The following CCDC88A variants were observed in gnomAD, a reference collection of about 807,000 sequenced individuals.
The protein encoded by CCDC88A is girdin.
In CCDC88A, 54 loss-of-function variants were observed where a neutral mutation model predicts 234.3. The observed-to-expected ratio is 0.23, with a 90% CI of 0.19 to 0.29. The LOEUF is 0.29. Ranked by LOEUF, CCDC88A falls within the 10% of genes least tolerant of loss-of-function variation. The pLI, the probability that CCDC88A is intolerant of heterozygous loss-of-function variation, is 1.00. For synonymous variants in CCDC88A, 753 were observed against 737.8 expected (o/e 1.02, Z -0.33); for missense variants, 1,832 against 2,123.4 (o/e 0.86, Z 2.70).
chr2:55,327,893 C>T (rs1330273508), intron 17 of CCDC88A, among the ~76,000 whole-genome samples: 1 of 152,210 alleles, frequency 6.6e-6, no homozygotes, highest in East Asian at 1.9e-4. Flanking sequence ...ATATAACACA[C>T]ATATGATTTT....
intron 8 of CCDC88A, among the ~76,000 whole-genome samples, chr2:55,351,141 T>C (rs1399148578): frequency 1.3e-5 from 2 of 152,280 alleles, no homozygotes; most frequent in East Asian, 3.9e-4. Context: ...GATGTCACTA[T>C]GTTGCCCAGC....
chr2:55,325,756 G>T (rs1190810957), intron 17 of CCDC88A, among the ~76,000 whole-genome samples: 1 of 152,132 alleles, frequency 6.6e-6, no homozygotes, highest in Non-Finnish European at 1.5e-5. Context: ...TAGTTCTACA[G>T]ATATTTGCTT....
intron 12 of CCDC88A, among the ~76,000 whole-genome samples, chr2:55,342,353 C>T (rs1001084866): frequency 6.6e-6 from 1 of 152,068 alleles, no homozygotes; most frequent in African/African-American, 2.4e-5. Context: ...AGATCAATTA[C>T]AAAACAACAG....
At chr2:55,415,800 TCA>T (rs1216977273) in intron 2 of CCDC88A, among the ~76,000 whole-genome samples, 1 of 152,138 alleles carries the variant, frequency 6.6e-6, no homozygotes, top group Non-Finnish European at 1.5e-5. Context: ...GCTGGAGTAT[TCA>T]GAGGGGTTTT....
chr2:55,360,509 T>C (rs1291717269), intron 7 of CCDC88A, among the ~76,000 whole-genome samples: 1 of 151,398 alleles, frequency 6.6e-6, no homozygotes, highest in Non-Finnish European at 1.5e-5. Flanking sequence ...AGCTAGCAAG[T>C]TGTTTCCCAA....
intron 11 of CCDC88A, 49 bp from the exon 12 acceptor site, chr2:55,343,841 C>CA (rs1464037023): frequency 2.9e-6 from 4 of 1,398,752 alleles, no homozygotes; most frequent in Non-Finnish European, 2.9e-6. Context: ...AGAAACAGTA[C>CA]AATTTTGAGC....
intron 2 of CCDC88A, among the ~76,000 whole-genome samples, chr2:55,411,779 C>CAAAAAAAAAAAAAA (rs778872176): frequency 4.3e-5 from 1 of 23,330 alleles, no homozygotes; most frequent in Non-Finnish European, 9.2e-5. Flanking sequence ...GACTCCGTCT[C>CAAAAAAAAAAAAAA]AAAAAAAAAA....
chr2:55,339,605 T>C lies in CCDC88A; in HGVS notation c.1377A>G (p.Ser459=), dbSNP rs1266095568. ...SLGHEVNELT[S]SRLLKLEMEN... ...CCATCTCTAGCTTCAATAATCTACT[T>C]GATGTCAACTCATTCACCTCATGGC... The change falls in exon 13 of 33, where the codon TCA becomes TCG. Residue 459 remains serine (S), a synonymous_variant. Transcript: ENST00000436346. 1.9e-6 allele frequency: 3 copies of C among 1,612,864 alleles called. No individual in the cohort carries two copies. The Admixed American group carries it at 5.0e-5, about 27-fold the overall frequency.
chr2:55,302,529 C>T (rs1681016691), intron 26 of CCDC88A: 1 of 166,846 alleles, frequency 6.0e-6, no homozygotes, highest in Non-Finnish European at 1.3e-5. Flanking sequence ...AATAAGTATA[C>T]CATTCAATAA....
chr2:55,343,950 G>A (rs1210045671), intron 11 of CCDC88A, 158 bp from the exon 12 acceptor site: 7 of 566,822 alleles, frequency 1.2e-5, no homozygotes, highest in Admixed American at 3.5e-5. Flanking sequence ...AATTATTACC[G>A]GTCATTATAC....
intron 22 of CCDC88A, chr2:55,314,697 G>C (rs777173142): frequency 6.6e-6 from 1 of 152,250 alleles, no homozygotes; most frequent in African/African-American, 2.4e-5. Context: ...GAGCCACCGT[G>C]CCTGGTCCAA....
intron 31 of CCDC88A, chr2:55,295,390 T>C (rs1191432029): frequency 8.4e-6 from 13 of 1,544,812 alleles, no homozygotes; most frequent in Non-Finnish European, 1.0e-5. Context: ...ATGCTATCTT[T>C]TGCCAACATT....
chr2:55,359,039 T>C (rs1157378879), intron 7 of CCDC88A, among the ~76,000 whole-genome samples: 1 of 152,166 alleles, frequency 6.6e-6, no homozygotes, highest in African/African-American at 2.4e-5. Context: ...CAGATAATAG[T>C]ATTTAATATT....
chr2:55,320,181 G>C (rs921336985), intron 18 of CCDC88A, among the ~76,000 whole-genome samples: 4 of 152,058 alleles, frequency 2.6e-5, no homozygotes, highest in Admixed American at 1.3e-4. Context: ...TAGTACTGAT[G>C]TATTTATATA....
At chr2:55,404,624 C>T (rs1679250330) in intron 2 of CCDC88A, 1 of 152,178 alleles carries the variant, frequency 6.6e-6, no homozygotes, top group East Asian at 1.9e-4. Flanking sequence ...GAAAGATACA[C>T]ATACAGAAAG....
chr2:55,330,412 G>A (rs1405829533), intron 16 of CCDC88A, among the ~76,000 whole-genome samples: 1 of 152,084 alleles, frequency 6.6e-6, no homozygotes. Flanking sequence ...GGCGGAGGTT[G>A]CAGTGAGCCG....
chr2:55,381,971 T>C (rs1172927308), intron 3 of CCDC88A, among the ~76,000 whole-genome samples: 1 of 152,204 alleles, frequency 6.6e-6, no homozygotes, highest in Non-Finnish European at 1.5e-5. Flanking sequence ...ATCATACTAT[T>C]ACATATCTGT....
chr2:55,408,198 C>T (rs1679920029), intron 2 of CCDC88A, among the ~76,000 whole-genome samples: 2 of 152,020 alleles, frequency 1.3e-5, no homozygotes, highest in South Asian at 2.1e-4. Flanking sequence ...AGAATTGCAA[C>T]CTCCAAAATC....
intron 3 of CCDC88A, among the ~76,000 whole-genome samples, chr2:55,381,597 A>C (rs1417193841): frequency 1.3e-5 from 2 of 151,834 alleles, no homozygotes; most frequent in African/African-American, 4.8e-5. Context: ...TACAGACTAT[A>C]CATTACAAAT....
Sources: gnomAD v4.1 joint callset for allele counts (sites outside exome capture counted in the v4.1 genomes callset) on GRCh38, gnomAD v4.1.1 for gene constraint, MANE v1.5 for transcripts, NCBI Gene and HGNC (gene_info 2026-07-23, HGNC 2026-07-21) for gene names.